The following METTL22 variants were observed in gnomAD, a reference collection of about 807,000 sequenced individuals.
METTL22 encodes methyltransferase 22, Kin17 lysine, also known as methyltransferase-like protein 22.
Under a neutral mutation model 48.4 loss-of-function variants are expected in METTL22, and 51 were observed. That is an observed-to-expected ratio of 1.05 (90% CI 0.84 to 1.33). METTL22 has a LOEUF of 1.33. Ranked by LOEUF, METTL22 falls within the 40% of genes most tolerant of loss-of-function variation. The pLI is 0.00. For missense variants in METTL22, 678 were observed against 526.9 expected (o/e 1.29, Z -2.81); for synonymous variants, 255 against 214.1 (o/e 1.19, Z -1.67).
rs145689116 is a variant in METTL22 at position 8,628,193 on chromosome 16, C to T, written c.134-537C>T. Among the ~76,000 whole-genome samples the T allele has an allele frequency of 9.1e-4, 139 of 152,278 alleles. 4 individuals carry two copies. In the East Asian group the frequency reaches 0.023, roughly 26 times the overall value. On this transcript the variant is annotated intron_variant, in intron 2 of 10. Transcript: ENST00000381920. ...TGTTTACTTGCTTAATGTTTCTTCC[C>T]CAACTTCACTCCTAAAATGTAAGGC...
chr16:8,659,853 T>C, the METTL22 span, among the ~76,000 whole-genome samples: 1 of 151,906 alleles, frequency 6.6e-6, no homozygotes, highest in African/African-American at 2.4e-5. Flanking sequence ...CCCCACCAAG[T>C]AGCTGGGATT....
the METTL22 span, among the ~76,000 whole-genome samples, chr16:8,660,797 G>A: frequency 4.3e-4 from 2 of 4,672 alleles, no homozygotes; most frequent in Non-Finnish European, 1.3e-3. Context: ...GGAGGAGGAG[G>A]AGGAGGAGGA....
rs1191615084 is a variant in METTL22 at position 8,646,301 on chromosome 16, C to G, written c.*158C>G. On this transcript the variant is annotated 3_prime_UTR_variant, in exon 11 of 11. Coordinates refer to ENST00000381920, the MANE Select transcript of METTL22 (RefSeq NM_024109.4). ...CCAAGATGGTTTTCTGGGGTCTGTC[C>G]CTGCCTCCCAGTTGTAGCCAGAGAA... The G allele has an allele frequency of 1.1e-6, 1 of 900,268 alleles. No homozygotes were observed. Among genetic ancestry groups the G allele is most frequent in the Non-Finnish European group, 1.8e-6 (1 of 562,272 alleles). The allele number at this position is 900,268 out of a possible 1,614,324, so 55.8% of individuals were successfully genotyped here. A position where few individuals can be genotyped will look rare whatever the true frequency, so the allele number is the denominator to read the frequency against.
intron 8 of METTL22, 100 bp from the exon 9 acceptor site, chr16:8,642,363 C>A: frequency 7.7e-7 from 1 of 1,295,434 alleles, no homozygotes; most frequent in Non-Finnish European, 1.1e-6. Context: ...GCTGCTGTTC[C>A]GTGGTGATAA....
the METTL22 span, among the ~76,000 whole-genome samples, chr16:8,664,458 T>C: frequency 6.6e-6 from 1 of 151,592 alleles, no homozygotes; most frequent in African/African-American, 2.4e-5. Context: ...ATTTTATTTA[T>C]GTATTTTTTT....
rs371213288 is a variant in METTL22, at chr16:8,625,774, C to T, written c.109C>T (p.Arg37Trp). ...YTPNHRHLMV[R>W]LNSVGQPVFL... Reference sequence around the variant, plus strand: ...CCCGAACCATAGACATCTCATGGTACGGCTGAACAGCGTGGGGCAGCCAGG... The same window carrying T: ...CCCGAACCATAGACATCTCATGGTATGGCTGAACAGCGTGGGGCAGCCAGG... The change falls in exon 2 of 11, where the codon CGG becomes TGG. Residue 37 changes from arginine (R) to tryptophan (W), a missense_variant. Transcript: ENST00000381920. 60 of 1,614,054 alleles carry T rather than the reference C, an allele frequency of 3.7e-5. No homozygotes were observed. In the Middle Eastern group the frequency reaches 4.9e-4, roughly 13 times the overall value.
At chr16:8,630,720 C>A (rs4985070) in intron 3 of METTL22, among the ~76,000 whole-genome samples, 150,274 of 152,172 alleles carry the variant, frequency 0.99, 74,232 homozygotes, top group Middle Eastern at 1. Context: ...TGACCAGCTT[C>A]CCCTCCTGCC....
chr16:8,665,387 C>T, the METTL22 span, among the ~76,000 whole-genome samples: 1 of 152,150 alleles, frequency 6.6e-6, no homozygotes, highest in Admixed American at 6.5e-5. Flanking sequence ...CTGGTGACTC[C>T]AAGTCAGGAG....
At chr16:8,637,181 C>G (rs1298669823) in intron 5 of METTL22, among the ~76,000 whole-genome samples, 2 of 152,152 alleles carry the variant, frequency 1.3e-5, no homozygotes, top group Admixed American at 1.3e-4. Context: ...GTGAACGTTA[C>G]CTGGCACAGA....
In METTL22 at chr16:8,648,354, A is replaced by G. The variant is rs986703241; in HGVS notation, c.*2211A>G. The G allele has an allele frequency of 6.6e-6, 1 of 152,120 alleles. No individual in the cohort carries two copies. The allele number at this position is 152,120 out of a possible 1,614,324, so 9.4% of individuals were successfully genotyped here. On this transcript the variant is annotated 3_prime_UTR_variant, in exon 11 of 11. Transcript: ENST00000381920. Reference sequence around the variant, plus strand: ...TAAAAAGCCAGGCGAGGTGCCGGGCATGGTGGCTCATGCCTGTCATCCCAG... The same window carrying G: ...TAAAAAGCCAGGCGAGGTGCCGGGCGTGGTGGCTCATGCCTGTCATCCCAG...
At chr16:8,653,720 A>T (rs113898988), downstream of METTL22, among the ~76,000 whole-genome samples, 16 of 151,174 alleles carry the variant, frequency 1.1e-4, 2 homozygotes, top group African/African-American at 3.9e-4. Flanking sequence ...TTCTAAAGCT[A>T]CCATACATAG....
chr16:8,642,101 CA>C (rs2056635632), intron 7 of METTL22, 25 bp from the exon 8 acceptor site: 1 of 1,586,486 alleles, frequency 6.3e-7, no homozygotes, highest in South Asian at 1.1e-5. Flanking sequence ...GCAATGGGCA[CA>C]AAGTGTGCTT....
rs369986677 is a variant in METTL22 at position 8,625,681 on chromosome 16, C to T, written c.16C>T (p.Pro6Ser). The T allele has an allele frequency of 3.7e-5, 60 of 1,614,004 alleles. No individual in the cohort carries two copies. Among genetic ancestry groups the T allele is most frequent in the African/African-American group, 2.5e-4 (19 of 74,922 alleles). The stretch of plus-strand genomic sequence containing the variant: ...AGCCTGGGCCATGGTACAGCTGGCT[C>T]CTGCGGCAGCCATGGACGAGGTCAC... The part of the protein sequence containing the change: MVQLA[P>S]AAAMDEVTFR... Residue 6 changes from proline (P) to serine (S), a missense_variant, in exon 2 of 11, where the codon CCT becomes TCT. Pro to Ser is a moderately conservative substitution (Grantham distance 74). Transcript: ENST00000381920.
chr16:8,659,924 C>T, the METTL22 span, among the ~76,000 whole-genome samples: 5 of 152,046 alleles, frequency 3.3e-5, no homozygotes, highest in Non-Finnish European at 2.9e-5. Context: ...CGGGGTCTCA[C>T]TATGTTGCCC....
At chr16:8,661,621 G>C in the METTL22 span, among the ~76,000 whole-genome samples, 2 of 123,210 alleles carry the variant, frequency 1.6e-5, no homozygotes, top group Admixed American at 8.5e-5. Context: ...CTCCAGCCTG[G>C]GCGACACAGC....
chr16:8,656,896 C>G, the METTL22 span, among the ~76,000 whole-genome samples: 1 of 152,212 alleles, frequency 6.6e-6, no homozygotes, highest in Non-Finnish European at 1.5e-5. Flanking sequence ...CATGGTAGAA[C>G]AGTAAAGAGA....
At chr16:8,656,773 G>A in the METTL22 span, among the ~76,000 whole-genome samples, 150,816 of 152,396 alleles carry the variant, frequency 0.99, 74,643 homozygotes, top group Middle Eastern at 1. Flanking sequence ...ACTGGGTAAC[G>A]TAATTAACAG....
chr16:8,628,410 CT>C (rs1249990495), intron 2 of METTL22, among the ~76,000 whole-genome samples: 2 of 152,174 alleles, frequency 1.3e-5, no homozygotes, highest in African/African-American at 4.8e-5. Flanking sequence ...GCTTAGTCCT[CT>C]AAGCCTCAGT....
At chr16:8,655,316 G>A in the METTL22 span, among the ~76,000 whole-genome samples, 1 of 152,138 alleles carries the variant, frequency 6.6e-6, no homozygotes, top group East Asian at 1.9e-4. Flanking sequence ...GTGGTTGGTG[G>A]CAGGATTCAG....
Sources: allele counts gnomAD v4.1 joint callset (sites outside exome capture counted in the v4.1 genomes callset), GRCh38; gene constraint gnomAD v4.1.1; transcripts MANE v1.5; gene names NCBI Gene and HGNC (gene_info 2026-07-23, HGNC 2026-07-21).